Variants in PCDH15 observed in about 807,000 individuals in gnomAD.
PCDH15 encodes the protein protocadherin related 15.
PCDH15 carries 129 observed loss-of-function variants against 178.5 expected under a neutral mutation model. That is an observed-to-expected ratio of 0.72 (90% CI 0.63 to 0.84). The LOEUF (loss-of-function observed/expected upper bound fraction) is 0.84, where lower values mean the gene tolerates loss of function less well. Ranked by LOEUF, PCDH15 falls within the 40% of genes least tolerant of loss-of-function variation. PCDH15 has a pLI of 0.00. For synonymous variants in PCDH15, 800 were observed against 732.0 expected, an observed-to-expected ratio of 1.09 and a Z score of -1.50; for missense variants, 2,230 against 2,099.9, an observed-to-expected ratio of 1.06 and a Z score of -1.21.
chr10:54,263,468 G>T (rs984764581), intron 8 of PCDH15, among the ~76,000 whole-genome samples: 8 of 152,180 alleles, frequency 5.3e-5, no homozygotes, highest in Non-Finnish European at 1.2e-4. Context: ...GAAAGAAGTT[G>T]TTTCTCATGA....
chr10:54,178,828 C>T (rs2047695096), intron 13 of PCDH15, among the ~76,000 whole-genome samples: 1 of 152,130 alleles, frequency 6.6e-6, no homozygotes, highest in South Asian at 2.1e-4. Context: ...TGCTCATCAT[C>T]ACTGGCCATC....
chr10:55,036,534 C>T (rs140082155), intron 2 of PCDH15, among the ~76,000 whole-genome samples: 1 of 152,146 alleles, frequency 6.6e-6, no homozygotes, highest in Non-Finnish European at 1.5e-5. Context: ...TTTATGGTCC[C>T]GCTCACATTT....
In PCDH15 at chr10:55,210,977, C is replaced by T. The variant is rs377459076; in HGVS notation, c.-155-44326G>A. 2.4e-4 allele frequency among the ~76,000 whole-genome samples: 37 copies of T among 152,034 alleles called. No homozygotes were observed. In the East Asian group the frequency reaches 6.0e-3, roughly 25 times the overall value. ...AAATATAGAGTCCCTCTCCCTGTAA[C>T]CCCCTTGAAACGTTTTTGATTTATC... On this transcript the variant is annotated intron_variant, in intron 1 of 5. Coordinates refer to the PCDH15 transcript ENST00000458638.
At chr10:55,489,135 C>A (rs942809771) in intron 2 of PCDH15, among the ~76,000 whole-genome samples, 1 of 151,410 alleles carries the variant, frequency 6.6e-6, no homozygotes, top group Non-Finnish European at 1.5e-5. Flanking sequence ...ACCACCATCA[C>A]TTTTATTTTC....
intron 15 of PCDH15, among the ~76,000 whole-genome samples, chr10:54,118,719 C>T (rs577695085): frequency 4.0e-5 from 6 of 151,272 alleles, no homozygotes. Flanking sequence ...ACATTAAATA[C>T]TTAAACTAAA....
chr10:54,494,477 T>G (rs573976468), intron 3 of PCDH15, among the ~76,000 whole-genome samples: 45 of 152,110 alleles, frequency 3.0e-4, no homozygotes, highest in Non-Finnish European at 5.9e-4. Context: ...TTCGGTTAAG[T>G]TTCTCTCTTT....
At chr10:53,927,902 T>TC (rs2084707385) in intron 25 of PCDH15, among the ~76,000 whole-genome samples, 1 of 152,098 alleles carries the variant, frequency 6.6e-6, no homozygotes, top group Non-Finnish European at 1.5e-5. Flanking sequence ...CAATGAATGA[T>TC]TAAGCAAAGT....
chr10:54,314,338 T>C (rs1473118831), intron 8 of PCDH15, among the ~76,000 whole-genome samples: 1 of 152,102 alleles, frequency 6.6e-6, no homozygotes, highest in Non-Finnish European at 1.5e-5. Flanking sequence ...CCTTACATGT[T>C]TAAATTTCAT....
intron 18 of PCDH15, among the ~76,000 whole-genome samples, chr10:54,025,731 T>C (rs1000799781): frequency 1.1e-4 from 16 of 152,044 alleles, no homozygotes; most frequent in African/African-American, 3.9e-4. Flanking sequence ...ACCCCTGACC[T>C]TGTGATCCAC....
chr10:54,388,446 A>C (rs1474852108), intron 3 of PCDH15, among the ~76,000 whole-genome samples: 1 of 152,170 alleles, frequency 6.6e-6, no homozygotes, highest in Non-Finnish European at 1.5e-5. Flanking sequence ...AGGCTCTGTT[A>C]TGTCATGCCA....
chr10:54,228,833 T>C (rs1591303546), intron 9 of PCDH15, among the ~76,000 whole-genome samples: 1 of 152,150 alleles, frequency 6.6e-6, no homozygotes, highest in African/African-American at 2.4e-5. Context: ...TTTGAAACAC[T>C]CTCTTAGACA....
intron 1 of PCDH15, among the ~76,000 whole-genome samples, chr10:55,283,300 T>G (rs893479132): frequency 6.6e-6 from 1 of 151,976 alleles, no homozygotes; most frequent in African/African-American, 2.4e-5. Flanking sequence ...CTCCCTATGA[T>G]TTCATCTTGG....
Position 53,827,397 on chromosome 10 carries a change from A to AGCTGTCTCCAAGTTCT in PCDH15, c.4347_4362dup (p.Ser1455ArgfsTer46). On this transcript the variant is annotated frameshift_variant, in exon 32 of 38. Transcript: ENST00000644397. LOFTEE classifies it high-confidence loss of function. Reference sequence around the variant, plus strand: ...GTTCCTGAACGGTCTACTTACATTGAGCTGTCTCCAAGTTCTTCATAGAGA... The same window carrying AGCTGTCTCCAAGTTCT: ...GTTCCTGAACGGTCTACTTACATTGAGCTGTCTCCAAGTTCTGCTGTCTCCAAGTTCTTCATAGAGA... 3 of 1,611,692 alleles carry AGCTGTCTCCAAGTTCT rather than the reference A, an allele frequency of 1.9e-6. No individual in the cohort carries two copies. Among genetic ancestry groups the AGCTGTCTCCAAGTTCT allele is most frequent in the Non-Finnish European group, 2.5e-6 (3 of 1,178,430 alleles).
chr10:54,323,422 A>G (rs1197244431), intron 7 of PCDH15, among the ~76,000 whole-genome samples: 5 of 152,154 alleles, frequency 3.3e-5, no homozygotes, highest in Non-Finnish European at 7.3e-5. Context: ...GTCTACATTA[A>G]TTGCCATGCT....
intron 2 of PCDH15, among the ~76,000 whole-genome samples, chr10:55,497,739 G>C (rs1022197707): frequency 6.6e-6 from 1 of 151,842 alleles, no homozygotes; most frequent in South Asian, 2.1e-4. Flanking sequence ...AACCCATTTT[G>C]TAAGAATCTT....
At chr10:54,339,919 C>A (rs887019925) in intron 6 of PCDH15, among the ~76,000 whole-genome samples, 1 of 152,116 alleles carries the variant, frequency 6.6e-6, no homozygotes, top group African/African-American at 2.4e-5. Flanking sequence ...GTGACCCTGA[C>A]CCTGCTCCTT....
chr10:53,959,951 G>T (rs1474551988), intron 22 of PCDH15, 107 bp from the exon 23 acceptor site: 1 of 855,412 alleles, frequency 1.2e-6, no homozygotes, highest in Non-Finnish European at 1.9e-6. Context: ...GTTCCAGAAG[G>T]GGAAGCAATG....
Position 54,331,619 on chromosome 10 carries a change from G to A in PCDH15, c.595-1913C>T, listed in dbSNP as rs993326388. On this transcript the variant is annotated intron_variant, in intron 6 of 37. Coordinates refer to ENST00000644397, the MANE Select transcript of PCDH15 (RefSeq NM_001384140.1). ...ATGGGCAAAACCTTAGTTAATAATT[G>A]CTGTTTACACTGTTAAACTTATCCT... is the stretch of plus-strand genomic sequence containing the variant. 2.0e-5 allele frequency among the ~76,000 whole-genome samples: 3 copies of A among 151,900 alleles called. No individual in the cohort carries two copies. In the East Asian group the frequency reaches 5.8e-4, roughly 29 times the overall value.
rs1340871277 is a variant in PCDH15 at position 55,084,468 on chromosome 10, A to AAAAAAAAAAAAAAAAAAAAG, written c.-80+82107_-80+82108insCTTTTTTTTTTTTTTTTTTT. Among the ~76,000 whole-genome samples the AAAAAAAAAAAAAAAAAAAAG allele has an allele frequency of 1.1e-4, 17 of 151,652 alleles. No individual in the cohort carries two copies. In the East Asian group the frequency reaches 2.7e-3, roughly 24 times the overall value. On this transcript the variant is annotated intron_variant, in intron 2 of 5. Coordinates refer to the PCDH15 transcript ENST00000458638. ...AATCTAAGACCTCAAGCTGTAAAAA[A>AAAAAAAAAAAAAAAAAAAAG]AAAACTAAAAGAAAACTTTTGGAAA...
Sources: gnomAD v4.1 joint callset for allele counts (sites outside exome capture counted in the v4.1 genomes callset) on GRCh38, gnomAD v4.1.1 for gene constraint, MANE v1.5 for transcripts, NCBI Gene and HGNC (gene_info 2026-07-23, HGNC 2026-07-21) for gene names.